CNST: variants seen among roughly 807,000 people sequenced by gnomAD.
CNST encodes consortin.
Under a neutral mutation model 72.4 loss-of-function variants are expected in CNST, and 39 were observed. That is an observed-to-expected ratio of 0.54 (90% CI 0.42 to 0.70). CNST has a LOEUF of 0.70. Among genes scored for constraint, CNST ranks in the 30% least tolerant of loss-of-function variants. The probability of loss-of-function intolerance (pLI) is 0.00; values close to 1 mark genes in which losing one functional copy is unlikely to be tolerated. For synonymous variants in CNST, 332 were observed against 320.1 expected (o/e 1.04, Z -0.40); for missense variants, 871 against 868.5 (o/e 1.00, Z -0.04).
At chr1:246,598,237 G>A (rs1249011818) in intron 2 of CNST, among the ~76,000 whole-genome samples, 1 of 142,306 alleles carries the variant, frequency 7.0e-6, no homozygotes, top group East Asian at 2.0e-4. Context: ...CACCAGCTTT[G>A]GCCCCCTAAA....
chr1:246,582,681 A>T (rs1660876361), intron 1 of CNST, among the ~76,000 whole-genome samples: 1 of 152,096 alleles, frequency 6.6e-6, no homozygotes, highest in South Asian at 2.1e-4. Flanking sequence ...TCACTACTTT[A>T]CTTCAGCACT....
intron 10 of CNST, among the ~76,000 whole-genome samples, chr1:246,663,210 C>T (rs956917614): frequency 9.3e-5 from 14 of 151,284 alleles, no homozygotes; most frequent in African/African-American, 3.4e-4. Context: ...CAGAAATTAG[C>T]AGGGCATGGT....
In CNST at chr1:246,577,945, C is replaced by G. The variant is rs530517754; in HGVS notation, c.-52+11282C>G. Among the ~76,000 whole-genome samples, 427 of 151,960 alleles carry G rather than the reference C, an allele frequency of 2.8e-3. 2 individuals are homozygous for G. The highest frequency in any genetic ancestry group is 4.9e-3 in the Non-Finnish European group (332 of 68,048). ...TCCTCTGTTCTCAAGTTTCCCTCTT[C>G]TGTTTCCTACCAGATAATACTTGTG... On this transcript the variant is annotated intron_variant, in intron 1 of 10. Coordinates refer to ENST00000366513, the MANE Select transcript of CNST (RefSeq NM_152609.3).
At chr1:246,582,813 G>A (rs1468409556) in intron 1 of CNST, among the ~76,000 whole-genome samples, 1 of 152,148 alleles carries the variant, frequency 6.6e-6, no homozygotes, top group Non-Finnish European at 1.5e-5. Context: ...TAGAATGGAG[G>A]GAACACACCA....
At chr1:246,616,795 C>T (rs553941421) in intron 2 of CNST, among the ~76,000 whole-genome samples, 6 of 151,864 alleles carry the variant, frequency 4.0e-5, no homozygotes, top group South Asian at 4.2e-4. Context: ...CCTCATGATC[C>T]GCCCACCTTG....
chr1:246,645,137 C>T (rs1312693099), intron 8 of CNST, among the ~76,000 whole-genome samples: 3 of 152,114 alleles, frequency 2.0e-5, no homozygotes, highest in Admixed American at 6.5e-5. Flanking sequence ...AGCTACCTCT[C>T]AGCAGCCCGA....
chr1:246,580,314 G>A (rs1660701019), intron 1 of CNST, among the ~76,000 whole-genome samples: 1 of 151,968 alleles, frequency 6.6e-6, no homozygotes, highest in Non-Finnish European at 1.5e-5. Context: ...AGTATTTGTG[G>A]TCAGAAATTA....
At chr1:246,631,992 G>C (rs770384437) in intron 4 of CNST, 68 bp downstream of exon 4, 2 of 948,076 alleles carry the variant, frequency 2.1e-6, no homozygotes, top group Non-Finnish European at 3.3e-6. Context: ...TTTTTTAATT[G>C]AAGTATATTT....
chr1:246,588,583 A>G (rs1661339646), intron 1 of CNST, among the ~76,000 whole-genome samples: 1 of 152,220 alleles, frequency 6.6e-6, no homozygotes, highest in African/African-American at 2.4e-5. Flanking sequence ...CAATAGAAAT[A>G]TGTGAGACAT....
intron 9 of CNST, among the ~76,000 whole-genome samples, chr1:246,652,998 T>C (rs953796787): frequency 2.5e-4 from 38 of 149,622 alleles, no homozygotes; most frequent in Non-Finnish European, 3.3e-4. Context: ...AGTGAGACTC[T>C]GTCTCAAAAA....
At chr1:246,569,407 A>G (rs1047732731) in intron 1 of CNST, among the ~76,000 whole-genome samples, 1 of 152,176 alleles carries the variant, frequency 6.6e-6, no homozygotes, top group Non-Finnish European at 1.5e-5. Flanking sequence ...TACCTTACTG[A>G]GCAGCACAAA....
intron 8 of CNST, among the ~76,000 whole-genome samples, chr1:246,645,845 G>A (rs1666032212): frequency 4.6e-5 from 7 of 152,148 alleles, no homozygotes; most frequent in Admixed American, 3.9e-4. Context: ...TCACACGGAG[G>A]TTTTTAACTG....
At chr1:246,658,811 A>G (rs1328767186) in intron 9 of CNST, among the ~76,000 whole-genome samples, 1 of 152,200 alleles carries the variant, frequency 6.6e-6, no homozygotes, top group Non-Finnish European at 1.5e-5. Context: ...CATCACCTAC[A>G]GCTTGTAGCA....
At chr1:246,571,823 A>G (rs1660090282) in intron 1 of CNST, among the ~76,000 whole-genome samples, 1 of 152,318 alleles carries the variant, frequency 6.6e-6, no homozygotes, top group South Asian at 2.1e-4. Flanking sequence ...GTCACCCTTC[A>G]TTGACATTTG....
intron 6 of CNST, among the ~76,000 whole-genome samples, chr1:246,639,919 A>G (rs1401124608): frequency 6.6e-6 from 1 of 150,470 alleles, no homozygotes; most frequent in African/African-American, 2.4e-5. Context: ...GCTATGTGGT[A>G]CCCGGATGGC....
At chr1:246,578,070 G>C (rs557991271) in intron 1 of CNST, among the ~76,000 whole-genome samples, 1 of 152,050 alleles carries the variant, frequency 6.6e-6, no homozygotes, top group East Asian at 1.9e-4. Flanking sequence ...AGAGACTTTA[G>C]TATTGTAGTT....
chr1:246,647,099 T>C (rs1271104495), intron 8 of CNST, 40 bp from the exon 9 acceptor site: 1 of 1,554,208 alleles, frequency 6.4e-7, no homozygotes, highest in African/African-American at 1.4e-5. Context: ...TACAAAGTGT[T>C]GTTTTGAATT....
At chr1:246,643,438 G>A (rs1034521613) in intron 8 of CNST, among the ~76,000 whole-genome samples, 2 of 152,140 alleles carry the variant, frequency 1.3e-5, no homozygotes, top group African/African-American at 4.8e-5. Context: ...GAGCACCTTG[G>A]GAAAAGTGCT....
chr1:246,647,815 C>A lies in CNST; in HGVS notation c.1614C>A (p.Asp538Glu), dbSNP rs1448557102. ...CAGAGGAAAAGGGAGATAAAGACGA[C>A]CAACTCAACAAAGAAACAGAAGACT... ...MAPEEKGDKD[D>E]QLNKETEDYL... is the part of the protein sequence containing the mutation. Residue 538 changes from aspartate to glutamate, a missense_variant, in exon 9 of 11, where the codon GAC becomes GAA. By Grantham distance (45) the Asp-to-Glu change is conservative. Coordinates refer to ENST00000366513, the MANE Select transcript of CNST (RefSeq NM_152609.3). The A allele has an allele frequency of 4.3e-6, 7 of 1,613,954 alleles. No individual in the cohort carries two copies. In the African/African-American group the frequency reaches 9.3e-5, roughly 22 times the overall value.
Sources: gnomAD v4.1 joint callset for allele counts (sites outside exome capture counted in the v4.1 genomes callset) on GRCh38, gnomAD v4.1.1 for gene constraint, MANE v1.5 for transcripts, NCBI Gene and HGNC (gene_info 2026-07-23, HGNC 2026-07-21) for gene names.